PRKG1: variants seen among roughly 807,000 people sequenced by gnomAD.
The protein encoded by PRKG1 is cGMP-dependent protein kinase 1.
A neutral mutation model predicts 88.1 loss-of-function variants in PRKG1; 35 were observed. The ratio of observed to expected loss-of-function variants is 0.40; its 90% CI spans 0.30 to 0.53. PRKG1 has a LOEUF of 0.53. Among genes scored for constraint, PRKG1 ranks in the 20% least tolerant of loss-of-function variants. The pLI is 0.59. For missense variants in PRKG1, 540 were observed against 839.8 expected (o/e 0.64, Z 4.41); for synonymous variants, 303 against 292.5 (o/e 1.04, Z -0.37).
intron 2 of PRKG1, among the ~76,000 whole-genome samples, chr10:51,212,604 C>T (rs1002039756): frequency 9.9e-5 from 15 of 151,790 alleles, no homozygotes; most frequent in Admixed American, 7.9e-4. Flanking sequence ...TACAATGAAC[C>T]CCAACAAATT....
upstream of PRKG1, among the ~76,000 whole-genome samples, chr10:51,070,791 A>G (rs971075704): frequency 1.3e-5 from 2 of 152,222 alleles, no homozygotes; most frequent in Non-Finnish European, 2.9e-5. Context: ...TTGGAGTTCA[A>G]CAGGCCACAG....
chr10:52,055,763 C>T lies in PRKG1; in HGVS notation c.840+1202C>T, dbSNP rs149514578. ...AGAAAGGAATTGATAGGCCAGTTTC[C>T]GTTTTTATAATTATCACTTTATAAA... On this transcript the variant is annotated intron_variant, in intron 6 of 17. Transcript: ENST00000373980. Among the ~76,000 whole-genome samples the T allele has an allele frequency of 2.4e-3, 366 of 152,116 alleles. 1 individual carries two copies. Among genetic ancestry groups the T allele is most frequent in the African/African-American group, 7.9e-3 (326 of 41,510 alleles).
chr10:51,690,781 C>T (rs1841116899), intron 3 of PRKG1, among the ~76,000 whole-genome samples: 1 of 151,670 alleles, frequency 6.6e-6, no homozygotes, highest in African/African-American at 2.4e-5. Flanking sequence ...CAAAAATTAG[C>T]TGGGTGTGGT....
At chr10:51,960,919 G>A (rs1370430727) in intron 5 of PRKG1, among the ~76,000 whole-genome samples, 3 of 152,090 alleles carry the variant, frequency 2.0e-5, no homozygotes, top group Non-Finnish European at 2.9e-5. Context: ...TATATGCCAT[G>A]CTACTCAGGC....
chr10:51,966,646 A>T (rs1843573857), intron 5 of PRKG1, among the ~76,000 whole-genome samples: 1 of 152,102 alleles, frequency 6.6e-6, no homozygotes, highest in Middle Eastern at 3.2e-3. Flanking sequence ...CAGCCCCATG[A>T]TTCACAGATG....
chr10:51,698,894 G>C (rs1841384175), intron 3 of PRKG1: 3 of 1,611,450 alleles, frequency 1.9e-6, no homozygotes, highest in African/African-American at 2.7e-5. Flanking sequence ...GCAGAGCCCA[G>C]GGCCAGGGCC....
chr10:52,097,952 C>A (rs74135145), intron 7 of PRKG1, among the ~76,000 whole-genome samples: 4,740 of 151,984 alleles, frequency 0.031, 236 homozygotes, highest in African/African-American at 0.11. Context: ...GTAAGGTTTT[C>A]TTATTTTTAT....
chr10:52,170,148 T>C (rs1265302669), intron 9 of PRKG1, among the ~76,000 whole-genome samples: 1 of 152,184 alleles, frequency 6.6e-6, no homozygotes, highest in Non-Finnish European at 1.5e-5. Context: ...AATTTGTCCA[T>C]AAACTATTTT....
At chr10:51,465,621 T>C (rs75887603) in intron 2 of PRKG1, among the ~76,000 whole-genome samples, 3,729 of 152,264 alleles carry the variant, frequency 0.024, 140 homozygotes, top group African/African-American at 0.081. Context: ...CTAGGAAGAT[T>C]GGTATGATTT....
chr10:51,962,065 A>G (rs1176630063), intron 5 of PRKG1, among the ~76,000 whole-genome samples: 3 of 152,182 alleles, frequency 2.0e-5, no homozygotes, highest in Non-Finnish European at 2.9e-5. Flanking sequence ...TCCAAAATCT[A>G]TCCACCAAGG....
intron 2 of PRKG1, among the ~76,000 whole-genome samples, chr10:51,293,066 A>G (rs990043044): frequency 3.3e-5 from 5 of 152,120 alleles, no homozygotes; most frequent in Non-Finnish European, 7.4e-5. Context: ...TTATTGAGGT[A>G]TGATTGAAAA....
intron 3 of PRKG1, among the ~76,000 whole-genome samples, chr10:51,476,022 AC>A (rs1840183019): frequency 6.6e-6 from 1 of 152,064 alleles, no homozygotes; most frequent in African/African-American, 2.4e-5. Context: ...ATTAAGTTCA[AC>A]CTTTTGTACT....
intron 8 of PRKG1, among the ~76,000 whole-genome samples, chr10:52,137,660 A>T (rs946397838): frequency 5.3e-5 from 8 of 152,100 alleles, no homozygotes; most frequent in African/African-American, 1.9e-4. Flanking sequence ...ACCTAATAAA[A>T]TCTAAATGCT....
chr10:52,155,789 T>C (rs867583731), intron 8 of PRKG1, among the ~76,000 whole-genome samples: 1 of 150,140 alleles, frequency 6.7e-6, no homozygotes, highest in South Asian at 2.1e-4. Flanking sequence ...GATGATTTCA[T>C]TTGATTATTA....
chr10:51,821,523 AT>A (rs1160130520), intron 4 of PRKG1, among the ~76,000 whole-genome samples: 2 of 152,096 alleles, frequency 1.3e-5, no homozygotes, highest in African/African-American at 4.8e-5. Flanking sequence ...GTCAATCTTA[AT>A]TTATTTGGTT....
chr10:51,417,292 C>T (rs1312249332), intron 2 of PRKG1, among the ~76,000 whole-genome samples: 4 of 152,168 alleles, frequency 2.6e-5, no homozygotes, highest in African/African-American at 9.7e-5. Flanking sequence ...AGTATCCTTC[C>T]TCACTAGTTT....
chr10:52,118,948 A>G (rs1478195314), intron 7 of PRKG1, among the ~76,000 whole-genome samples: 1 of 151,942 alleles, frequency 6.6e-6, no homozygotes, highest in East Asian at 1.9e-4. Flanking sequence ...CTCAATTTTA[A>G]TTTTCATTTA....
intron 2 of PRKG1, among the ~76,000 whole-genome samples, chr10:51,402,043 C>G (rs552913198): frequency 6.6e-6 from 1 of 152,250 alleles, no homozygotes; most frequent in South Asian, 2.1e-4. Flanking sequence ...GAGGTCCACT[C>G]TTTTTCTAAA....
chr10:52,145,228 G>C (rs1000262585), intron 8 of PRKG1, among the ~76,000 whole-genome samples: 1 of 151,952 alleles, frequency 6.6e-6, no homozygotes, highest in African/African-American at 2.4e-5. Context: ...GTTTTGTTTT[G>C]CACCAATGAA....
Sources: gnomAD v4.1 joint callset for allele counts (sites outside exome capture counted in the v4.1 genomes callset) on GRCh38, gnomAD v4.1.1 for gene constraint, MANE v1.5 for transcripts, NCBI Gene and HGNC (gene_info 2026-07-23, HGNC 2026-07-21) for gene names.